Variants in KIAA1217 observed in about 807,000 individuals in gnomAD.
The protein encoded by KIAA1217 is sickle tail protein homolog.
Under a neutral mutation model 163.9 loss-of-function variants are expected in KIAA1217, and 88 were observed. The ratio of observed to expected loss-of-function variants is 0.54; its 90% confidence interval spans 0.45 to 0.64. The LOEUF is 0.64. Among genes scored for constraint, KIAA1217 ranks in the 30% least tolerant of loss-of-function variants. The probability of loss-of-function intolerance (pLI) is 0.00; values close to 1 mark genes in which losing one functional copy is unlikely to be tolerated. For missense variants in KIAA1217, 2,372 were observed against 2,475.0 expected, an observed-to-expected ratio of 0.96 and a Z score of 0.88; for synonymous variants, 903 against 923.1, an observed-to-expected ratio of 0.98 and a Z score of 0.39.
At chr10:23,966,970 A>G (rs189746352) in intron 1 of KIAA1217, among the ~76,000 whole-genome samples, 4 of 152,316 alleles carry the variant, frequency 2.6e-5, no homozygotes, top group Admixed American at 6.5e-5. Flanking sequence ...AACTAAATAC[A>G]TATTGGAAAA....
rs116228502 is a variant in KIAA1217 at position 24,440,312 on chromosome 10, C to T, written c.846+1833C>T. 7.4e-3 allele frequency among the ~76,000 whole-genome samples: 1,122 copies of T among 152,302 alleles called. 15 individuals carry two copies. The highest frequency in any genetic ancestry group is 0.025 in the African/African-American group (1,034 of 41,570). ...ACAGCACCATTTGCCTTTTATTACT[C>T]TGTTATTCTCTTTCTTGGAGACATT... On this transcript the variant is annotated intron_variant, in intron 5 of 20. Transcript: ENST00000376454.
At chr10:23,911,935 A>G (rs1842448236) in intron 1 of KIAA1217, among the ~76,000 whole-genome samples, 1 of 152,148 alleles carries the variant, frequency 6.6e-6, no homozygotes, top group African/African-American at 2.4e-5. Flanking sequence ...AGGCAGGATG[A>G]GTACAAATCA....
chr10:24,389,241 G>T (rs1219869095), intron 3 of KIAA1217, among the ~76,000 whole-genome samples: 1 of 152,146 alleles, frequency 6.6e-6, no homozygotes, highest in Admixed American at 6.5e-5. Context: ...ATGAGTTCAT[G>T]TCCTTTGTAG....
intron 2 of KIAA1217, among the ~76,000 whole-genome samples, chr10:24,176,699 C>G (rs1272227287): frequency 6.6e-6 from 1 of 152,244 alleles, no homozygotes; most frequent in African/African-American, 2.4e-5. Context: ...GCGGGCAGAG[C>G]TGCCTGCCAG....
intron 1 of KIAA1217, among the ~76,000 whole-genome samples, chr10:23,965,859 G>T (rs1109900): frequency 0.42 from 64,384 of 152,064 alleles, 16,798 homozygotes; most frequent in African/African-American, 0.74. Flanking sequence ...TTTGCCATCC[G>T]GTTACCTTAA....
At chr10:23,853,986 T>C (rs1294803772) in intron 1 of KIAA1217, among the ~76,000 whole-genome samples, 1 of 152,224 alleles carries the variant, frequency 6.6e-6, no homozygotes, top group Non-Finnish European at 1.5e-5. Context: ...CATTAATTTT[T>C]TGAAGGATTT....
chr10:24,203,379 G>C (rs1041248843), intron 2 of KIAA1217, among the ~76,000 whole-genome samples: 9 of 152,266 alleles, frequency 5.9e-5, no homozygotes, highest in Admixed American at 5.2e-4. Flanking sequence ...GGCTGAACAG[G>C]ACCCTGGAGA....
intron 2 of KIAA1217, among the ~76,000 whole-genome samples, chr10:24,175,340 G>A (rs1458332090): frequency 6.6e-6 from 1 of 152,106 alleles, no homozygotes; most frequent in African/African-American, 2.4e-5. Context: ...TCATTCCTGA[G>A]TTACTTCACT....
At chr10:24,043,452 G>T (rs569421753) in intron 2 of KIAA1217, among the ~76,000 whole-genome samples, 1 of 151,914 alleles carries the variant, frequency 6.6e-6, no homozygotes, top group Non-Finnish European at 1.5e-5. Context: ...GTACTATTTC[G>T]AAGATGTAAG....
intron 2 of KIAA1217, among the ~76,000 whole-genome samples, chr10:24,318,380 A>G (rs2043689604): frequency 6.6e-6 from 1 of 152,120 alleles, no homozygotes; most frequent in Non-Finnish European, 1.5e-5. Flanking sequence ...GAGAAAACAG[A>G]CTGAAACAGG....
chr10:24,452,575 G>A (rs181528879), intron 5 of KIAA1217, among the ~76,000 whole-genome samples: 166 of 151,006 alleles, frequency 1.1e-3, no homozygotes, highest in African/African-American at 3.8e-3. Context: ...CCAGCTACTC[G>A]GGAGGCTGAG....
chr10:24,007,173 TA>T (rs373142980), intron 1 of KIAA1217: 1 of 152,048 alleles, frequency 6.6e-6, no homozygotes, highest in Non-Finnish European at 1.5e-5. Context: ...GAGTTTTAAT[TA>T]CTCAGCAGTT....
At chr10:24,170,046 G>A (rs370690427) in intron 2 of KIAA1217, among the ~76,000 whole-genome samples, 5 of 152,290 alleles carry the variant, frequency 3.3e-5, no homozygotes, top group Middle Eastern at 3.4e-3. Flanking sequence ...GCTAGCCATG[G>A]AAAATGTAGA....
intron 1 of KIAA1217, among the ~76,000 whole-genome samples, chr10:23,718,146 T>C (rs1270695987): frequency 1.3e-5 from 2 of 152,160 alleles, no homozygotes; most frequent in Non-Finnish European, 2.9e-5. Flanking sequence ...CCAAAACCAA[T>C]GGCCAAAACT....
intron 2 of KIAA1217, among the ~76,000 whole-genome samples, chr10:24,149,189 G>GA (rs1002240773): frequency 6.6e-6 from 1 of 151,864 alleles, no homozygotes; most frequent in Non-Finnish European, 1.5e-5. Flanking sequence ...TATGTTTTTT[G>GA]TTTTTTTAAA....
rs191315869 is a variant in KIAA1217 at position 24,532,696 on chromosome 10, G to A, written c.3247-374G>A. Among the ~76,000 whole-genome samples, 256 of 152,174 alleles carry A rather than the reference G, an allele frequency of 1.7e-3. 1 individual carries two copies. Among genetic ancestry groups the A allele is most frequent in the African/African-American group, 6.0e-3 (250 of 41,506 alleles). On this transcript the variant is annotated intron_variant, in intron 15 of 20. Transcript: ENST00000376454. ...TCTCGTGAGACTTATTCACCACCTC[G>A]AGAACAGCACGGGAAAGACCTGCCC...
At chr10:24,059,533 C>T (rs899354130) in intron 2 of KIAA1217, among the ~76,000 whole-genome samples, 5 of 151,930 alleles carry the variant, frequency 3.3e-5, no homozygotes, top group Non-Finnish European at 5.9e-5. Context: ...TTTTTGATTA[C>T]TAATTCAATT....
intron 1 of KIAA1217, among the ~76,000 whole-genome samples, chr10:23,903,461 A>C (rs1223706238): frequency 1.3e-5 from 2 of 152,126 alleles, no homozygotes; most frequent in Non-Finnish European, 2.9e-5. Flanking sequence ...ACCCAAAGAA[A>C]TAGGAAAAAC....
chr10:24,259,460 A>G (rs2075507161), intron 2 of KIAA1217, among the ~76,000 whole-genome samples: 1 of 152,092 alleles, frequency 6.6e-6, no homozygotes. Flanking sequence ...AAAAACAACA[A>G]CAAAATTACC....
Sources: allele counts gnomAD v4.1 joint callset (sites outside exome capture counted in the v4.1 genomes callset), GRCh38; gene constraint gnomAD v4.1.1; transcripts MANE v1.5; gene names NCBI Gene and HGNC (gene_info 2026-07-23, HGNC 2026-07-21).